Variants in KDM4C observed in about 807,000 individuals in gnomAD.
The protein encoded by KDM4C is lysine demethylase 4C, also known as lysine-specific demethylase 4C.
Under a neutral mutation model 129.3 loss-of-function variants are expected in KDM4C, and 81 were observed. The ratio of observed to expected loss-of-function variants is 0.63; its 90% CI spans 0.52 to 0.75. The LOEUF is 0.75. Among genes scored for constraint, KDM4C ranks in the 30% least tolerant of loss-of-function variants. The pLI is 0.00. For missense variants in KDM4C, 1,457 were observed against 1,304.0 expected (o/e 1.12, Z -1.81); for synonymous variants, 573 against 456.1 (o/e 1.26, Z -3.26).
chr9:7,136,296 T>C (rs1841200587), intron 19 of KDM4C, among the ~76,000 whole-genome samples: 1 of 152,274 alleles, frequency 6.6e-6, no homozygotes, highest in Non-Finnish European at 1.5e-5. Flanking sequence ...TGAAATTTGC[T>C]TTCAAGGCTT....
chr9:6,792,022 CAAAAAGAAAAAGA>C (rs1826745673), intron 1 of KDM4C, among the ~76,000 whole-genome samples: 1 of 151,354 alleles, frequency 6.6e-6, no homozygotes, highest in South Asian at 2.1e-4. Context: ...AACTCCGTCT[CAAAAAGAAAAAGA>C]GAAAAGGAAA....
At chr9:6,998,532 A>C (rs1393849283) in intron 12 of KDM4C, among the ~76,000 whole-genome samples, 1 of 152,152 alleles carries the variant, frequency 6.6e-6, no homozygotes, top group Non-Finnish European at 1.5e-5. Context: ...TTGGTGGCTC[A>C]CGCCTGTAAT....
At chr9:7,154,620 A>T (rs1842990680) in intron 19 of KDM4C, among the ~76,000 whole-genome samples, 1 of 152,194 alleles carries the variant, frequency 6.6e-6, no homozygotes, top group African/African-American at 2.4e-5. Context: ...GAGCAAGTAT[A>T]GGAGTTTGGC....
At chr9:6,989,256 T>TAGAA (rs1818305697) in intron 11 of KDM4C, among the ~76,000 whole-genome samples, 1 of 152,212 alleles carries the variant, frequency 6.6e-6, no homozygotes, top group African/African-American at 2.4e-5. Flanking sequence ...GAGGCCAGAG[T>TAGAA]AGTTTCCCTA....
At chr9:7,123,347 C>T (rs372036497) in intron 18 of KDM4C, among the ~76,000 whole-genome samples, 2 of 152,130 alleles carry the variant, frequency 1.3e-5, no homozygotes, top group Admixed American at 6.6e-5. Flanking sequence ...TATTCCCTTC[C>T]GCTACCCACA....
Position 6,856,958 on chromosome 9 carries a change from C to T in KDM4C, c.629+7258C>T, listed in dbSNP as rs566898372. ...ATTTTTAGTAGAGACGGGGTTTCAC[C>T]GTGTTAGCCAGGATGGTCTCGATCT... is the stretch of plus-strand genomic sequence containing the variant. On this transcript the variant is annotated intron_variant, in intron 5 of 21. Coordinates refer to ENST00000381309, the MANE Select transcript of KDM4C (RefSeq NM_015061.6). 9.0e-3 allele frequency among the ~76,000 whole-genome samples: 1,369 copies of T among 152,082 alleles called. 10 individuals carry two copies. The highest frequency in any genetic ancestry group is 0.014 in the Non-Finnish European group (930 of 67,978).
intron 15 of KDM4C, among the ~76,000 whole-genome samples, chr9:7,034,047 GTC>G (rs1294189212): frequency 2.0e-5 from 3 of 151,832 alleles, no homozygotes; most frequent in Admixed American, 6.6e-5. Context: ...GCATCAGTTG[GTC>G]TCTCAATCTG....
intron 4 of KDM4C, among the ~76,000 whole-genome samples, chr9:6,847,255 C>T (rs1004748907): frequency 6.6e-5 from 10 of 152,178 alleles, no homozygotes; most frequent in African/African-American, 2.4e-4. Context: ...TTAAATAGGA[C>T]TCTATTATTA....
At chr9:7,015,064 C>T (rs1823416035) in intron 14 of KDM4C, among the ~76,000 whole-genome samples, 2 of 152,182 alleles carry the variant, frequency 1.3e-5, no homozygotes, top group Middle Eastern at 3.4e-3. Flanking sequence ...CTATTTTATA[C>T]ACATATGCTT....
intron 12 of KDM4C, among the ~76,000 whole-genome samples, chr9:6,993,291 A>G (rs1487271499): frequency 2.0e-5 from 3 of 152,178 alleles, no homozygotes; most frequent in African/African-American, 7.2e-5. Context: ...TATATACTAC[A>G]TGTTTATATT....
chr9:6,974,532 A>G (rs903667923), intron 8 of KDM4C, among the ~76,000 whole-genome samples: 5 of 152,132 alleles, frequency 3.3e-5, no homozygotes, highest in South Asian at 4.1e-4. Context: ...TAATTTTTGT[A>G]TTTTTAGTAG....
intron 12 of KDM4C, among the ~76,000 whole-genome samples, chr9:7,002,447 G>T (rs1820900943): frequency 6.6e-6 from 1 of 152,140 alleles, no homozygotes; most frequent in Admixed American, 6.5e-5. Flanking sequence ...TTTGTGGTGA[G>T]AACATGAGAC....
chr9:6,803,603 T>G (rs116816609), intron 2 of KDM4C, among the ~76,000 whole-genome samples: 191 of 150,814 alleles, frequency 1.3e-3, no homozygotes, highest in African/African-American at 4.5e-3. Context: ...TTAAAAAAAT[T>G]AAAAAAACTT....
intron 5 of KDM4C, among the ~76,000 whole-genome samples, chr9:6,870,769 A>T (rs1336296388): frequency 6.6e-6 from 1 of 152,010 alleles, no homozygotes; most frequent in Non-Finnish European, 1.5e-5. Flanking sequence ...TGAGCAAAAC[A>T]GCAACAACAA....
At chr9:6,744,797 G>T (rs1817823264) in intron 1 of KDM4C, among the ~76,000 whole-genome samples, 1 of 151,216 alleles carries the variant, frequency 6.6e-6, no homozygotes, top group Non-Finnish European at 1.5e-5. Context: ...TGGGGAAGCA[G>T]AAGAGTCCTT....
chr9:6,998,571 G>A (rs950343184), intron 12 of KDM4C, among the ~76,000 whole-genome samples: 4 of 152,140 alleles, frequency 2.6e-5, no homozygotes, highest in East Asian at 3.9e-4. Context: ...CGAGGCAGGC[G>A]GATCACCTGA....
At chr9:6,748,160 G>C (rs1817941455) in intron 1 of KDM4C, among the ~76,000 whole-genome samples, 1 of 126,556 alleles carries the variant, frequency 7.9e-6, no homozygotes, top group Non-Finnish European at 1.6e-5. Context: ...AGCAAGACTT[G>C]GTCTCAAAAA....
chr9:6,780,768 C>CAAAAAAA (rs34457968), intron 1 of KDM4C, among the ~76,000 whole-genome samples: 3 of 32,154 alleles, frequency 9.3e-5, no homozygotes. Context: ...AACTCCCTCT[C>CAAAAAAA]AAAAAAAAAA....
rs1455173636 is a variant in KDM4C at position 6,792,837 on chromosome 9, C to T, written c.-17-135C>T. 4.6e-5 allele frequency: 40 copies of T among 878,976 alleles called. No homozygotes were observed. In the East Asian group the frequency reaches 9.7e-4, roughly 21 times the overall value. 54.4% of individuals were successfully genotyped at this position (878,976 alleles called of 1,614,324 possible). On this transcript the variant is annotated intron_variant, in intron 1 of 21. Transcript: ENST00000381309. Reference sequence around the variant, plus strand: ...TTCAGGCAGAGATGAGGGAGTCTCCCTGAGACTGGTAGAAGGGAATGGGAA... The same window carrying T: ...TTCAGGCAGAGATGAGGGAGTCTCCTTGAGACTGGTAGAAGGGAATGGGAA...
Sources: gnomAD v4.1 joint callset for allele counts (sites outside exome capture counted in the v4.1 genomes callset) on GRCh38, gnomAD v4.1.1 for gene constraint, MANE v1.5 for transcripts, NCBI Gene and HGNC (gene_info 2026-07-23, HGNC 2026-07-21) for gene names.